SELP: variants seen among roughly 807,000 people sequenced by gnomAD.
SELP encodes P-selectin.
Under a neutral mutation model 104.1 loss-of-function variants are expected in SELP, and 92 were observed. The observed-to-expected ratio is 0.88, with a 90% CI of 0.75 to 1.05. SELP has a LOEUF of 1.05. Ranked by LOEUF, SELP falls within the 50% of genes least tolerant of loss-of-function variation. The pLI, the probability that SELP is intolerant of heterozygous loss-of-function variation, is 0.00. For synonymous variants in SELP, 397 were observed against 364.5 expected, an observed-to-expected ratio of 1.09 and a Z score of -1.01; for missense variants, 1,022 against 1,017.3, an observed-to-expected ratio of 1.00 and a Z score of -0.06.
intron 10 of SELP, among the ~76,000 whole-genome samples, chr1:169,602,108 C>T (rs896892026): frequency 6.6e-6 from 1 of 152,040 alleles, no homozygotes; most frequent in Non-Finnish European, 1.5e-5. Context: ...CACTAAATTA[C>T]CAAAGCTTGT....
At chr1:169,600,912 G>A (rs1244798397) in intron 10 of SELP, among the ~76,000 whole-genome samples, 3 of 152,208 alleles carry the variant, frequency 2.0e-5, no homozygotes, top group African/African-American at 7.2e-5. Context: ...TTCATGGTCA[G>A]GGTTGGGTCT....
intron 6 of SELP, among the ~76,000 whole-genome samples, 165 bp downstream of exon 6, chr1:169,612,052 C>T (rs3917726): frequency 0.052 from 7,894 of 152,072 alleles, 660 homozygotes; most frequent in African/African-American, 0.18. Flanking sequence ...GAATTTTTTT[C>T]CTTTCTCATC....
At chr1:169,594,918 T>G in intron 12 of SELP, 41 bp from the exon 13 acceptor site, 1 of 1,569,906 alleles carries the variant, frequency 6.4e-7, no homozygotes, top group Non-Finnish European at 8.7e-7. Flanking sequence ...ACATGTGGAT[T>G]GGAGGTGAAA....
At position 169,604,648 on chromosome 1, in the gene SELP, G is replaced by T. The variant is rs137873537; in HGVS notation, c.1520-1437C>A. On this transcript the variant is annotated intron_variant, in intron 9 of 16. Coordinates refer to ENST00000263686, the MANE Select transcript of SELP (RefSeq NM_003005.4). ...ACATTCCTTTCAATCTGATCAACTT[G>T]TCCAAAGATCTGGTTCTTTTCTTCT... Among the ~76,000 whole-genome samples the T allele has an allele frequency of 6.1e-3, 928 of 152,138 alleles. 6 individuals carry two copies. The highest frequency in any genetic ancestry group is 9.6e-3 in the Non-Finnish European group (653 of 68,004).
At chr1:169,613,268 T>G (rs1662640096) in intron 4 of SELP, among the ~76,000 whole-genome samples, 154 bp from the exon 5 acceptor site, 1 of 152,248 alleles carries the variant, frequency 6.6e-6, no homozygotes, top group African/African-American at 2.4e-5. Context: ...CTCTTTGTAT[T>G]GGCTGCATCT....
chr1:169,599,189 A>G (rs1478893238), intron 10 of SELP, among the ~76,000 whole-genome samples: 19 of 152,178 alleles, frequency 1.2e-4, no homozygotes, highest in Admixed American at 1.2e-3. Context: ...CAGATCCGGC[A>G]TATGGTGGGC....
At chr1:169,606,249 G>A (rs530388357) in intron 9 of SELP, among the ~76,000 whole-genome samples, 9 of 152,320 alleles carry the variant, frequency 5.9e-5, no homozygotes, top group East Asian at 3.9e-4. Context: ...CCCGGGAGGC[G>A]GAGGTTGCAG....
chr1:169,609,724 T>C (rs965023155), intron 7 of SELP, 35 bp from the exon 8 acceptor site: 8 of 1,573,400 alleles, frequency 5.1e-6, no homozygotes, highest in Admixed American at 1.8e-5. Flanking sequence ...AGCCAGGTAA[T>C]GGAAGGGCCG....
chr1:169,595,894 G>A (rs1465311192), intron 12 of SELP, 31 bp downstream of exon 12: 3 of 1,601,324 alleles, frequency 1.9e-6, no homozygotes, highest in African/African-American at 2.7e-5. Context: ...AGGAAGGCAG[G>A]TTCAGAACTG....
Position 169,603,223 on chromosome 1 carries a change from A to G in SELP, c.1520-12T>C, listed in dbSNP as rs200521783. 1 of 1,603,434 alleles carries G rather than the reference A, an allele frequency of 6.2e-7. No individual in the cohort carries two copies. The highest frequency in any genetic ancestry group is 8.5e-7 in the Non-Finnish European group (1 of 1,172,242). ...TGTGCAGGGAATGGCTATCATGGGC[A>G]TGGCAGAGGAGAAAAGAAGAGATCA... On this transcript the variant is annotated splice_polypyrimidine_tract_variant and intron_variant, in intron 9 of 16. Coordinates refer to ENST00000263686, the MANE Select transcript of SELP (RefSeq NM_003005.4).
chr1:169,603,842 G>C (rs1474235623), intron 9 of SELP, among the ~76,000 whole-genome samples: 1 of 152,188 alleles, frequency 6.6e-6, no homozygotes, highest in Non-Finnish European at 1.5e-5. Context: ...TCTTAATCCA[G>C]TCCATCATTG....
Position 169,597,088 on chromosome 1 carries a change from G to A in SELP, c.1794C>T (p.Cys598=), listed in dbSNP as rs6135. Residue 598 remains cysteine (C), a synonymous_variant, in exon 11 of 17, where the codon TGC becomes TGT. Transcript: ENST00000263686. ...TRGEFNVGST[C]HFSCDNGFKL... The stretch of plus-strand genomic sequence containing the variant: ...TAAAGCCGTTGTCACAAGAGAAATG[G>A]CAGGTGGAGCCAACATTGAATTCTC... The A allele has an allele frequency of 0.13, 205,672 of 1,607,158 alleles. 22,084 individuals are homozygous for A. Among genetic ancestry groups the A allele is most frequent in the African/African-American group, 0.56 (41,708 of 74,152 alleles).
chr1:169,627,014 G>A (rs1006732737), intron 1 of SELP, among the ~76,000 whole-genome samples: 16 of 152,078 alleles, frequency 1.1e-4, no homozygotes, highest in Non-Finnish European at 4.4e-5. Flanking sequence ...TTACAATCAG[G>A]GAGATTGCAC....
chr1:169,609,563 G>C lies in SELP; in HGVS notation c.1274C>G (p.Ala425Gly). The change falls in exon 8 of 17, where the codon GCC becomes GGC. Residue 425 changes from alanine to glycine, a missense_variant. By Grantham distance (60) the Ala-to-Gly change is moderately conservative. Transcript: ENST00000263686. Reference sequence around the variant, plus strand: ...CAAGTTATCACACCGAACTATATCGGCTCCTCTCAGCATGAAACCTTCAGC... The same window carrying C: ...CAAGTTATCACACCGAACTATATCGCCTCCTCTCAGCATGAAACCTTCAGC... ...RCAEGFMLRG[A>G]DIVRCDNLGQ... The C allele has an allele frequency of 1.2e-6, 2 of 1,614,034 alleles. No homozygotes were observed. Among genetic ancestry groups the C allele is most frequent in the African/African-American group, 2.7e-5 (2 of 74,994 alleles).
At chr1:169,605,158 A>T (rs1361000806) in intron 9 of SELP, among the ~76,000 whole-genome samples, 3 of 152,184 alleles carry the variant, frequency 2.0e-5, no homozygotes, top group Non-Finnish European at 2.9e-5. Flanking sequence ...CTTGCCTGTA[A>T]GAGTTTCAAT....
chr1:169,611,154 A>G (rs996449231), intron 7 of SELP, among the ~76,000 whole-genome samples: 3 of 152,260 alleles, frequency 2.0e-5, no homozygotes, highest in African/African-American at 7.2e-5. Flanking sequence ...TACATGGTGA[A>G]CCACTCTCTT....
At chr1:169,594,312 C>A (rs1326633305) in intron 13 of SELP, among the ~76,000 whole-genome samples, 2 of 152,130 alleles carry the variant, frequency 1.3e-5, no homozygotes, top group Non-Finnish European at 2.9e-5. Context: ...TAAGGAAGAT[C>A]TGCTAGGAGG....
chr1:169,591,366 C>T (rs1257299952), intron 15 of SELP, 60 bp downstream of exon 15: 3 of 1,105,916 alleles, frequency 2.7e-6, no homozygotes, highest in Non-Finnish European at 4.0e-6. Flanking sequence ...TGACATATTA[C>T]AGTGAATTAT....
At chr1:169,606,098 C>T (rs1662180473) in intron 9 of SELP, among the ~76,000 whole-genome samples, 1 of 152,152 alleles carries the variant, frequency 6.6e-6, no homozygotes, top group African/African-American at 2.4e-5. Flanking sequence ...AGGCAGATCA[C>T]CTGAGGTCAG....
Sources: gnomAD v4.1 joint callset for allele counts (sites outside exome capture counted in the v4.1 genomes callset) on GRCh38, gnomAD v4.1.1 for gene constraint, MANE v1.5 for transcripts, NCBI Gene and HGNC (gene_info 2026-07-23, HGNC 2026-07-21) for gene names.